The following MTUS2 variants were observed in gnomAD, a reference collection of about 807,000 sequenced individuals.
MTUS2 encodes the protein microtubule-associated tumor suppressor candidate 2.
A neutral mutation model predicts 114.1 loss-of-function variants in MTUS2; 40 were observed. The observed-to-expected ratio is 0.35, with a 90% confidence interval of 0.27 to 0.46. MTUS2 has a LOEUF of 0.46. Ranked by LOEUF, MTUS2 falls within the 20% of genes least tolerant of loss-of-function variation. MTUS2 has a pLI of 1.00. For synonymous variants in MTUS2, 688 were observed against 672.0 expected (o/e 1.02, Z -0.37); for missense variants, 1,679 against 1,705.4 (o/e 0.98, Z 0.27).
intron 2 of MTUS2, among the ~76,000 whole-genome samples, chr13:28,891,074 C>A (rs1046382927): frequency 7.2e-5 from 11 of 152,224 alleles, no homozygotes; most frequent in African/African-American, 2.7e-4. Flanking sequence ...CCCCTGCCTG[C>A]CTTGCTTGTA....
At chr13:28,858,409 A>G (rs1876767764) in intron 2 of MTUS2, among the ~76,000 whole-genome samples, 1 of 152,156 alleles carries the variant, frequency 6.6e-6, no homozygotes, top group Non-Finnish European at 1.5e-5. Context: ...GTTCTTTCAT[A>G]TAGTTATTTA....
Position 29,360,180 on chromosome 13 carries a change from G to A in MTUS2, c.3117+707G>A, listed in dbSNP as rs184417002. The stretch of plus-strand genomic sequence containing the variant: ...ACCTTGAAGTCACCAAGGTGTGCTT[G>A]GGGGAGAAAAAGCATAAACATAAGT... On this transcript the variant is annotated intron_variant, in intron 8 of 15. Transcript: ENST00000612955. Among the ~76,000 whole-genome samples the A allele has an allele frequency of 3.9e-3, 601 of 152,288 alleles. 1 individual carries two copies. The highest frequency in any genetic ancestry group is 6.6e-3 in the Non-Finnish European group (450 of 68,022).
At chr13:29,189,512 T>G (rs1894361191) in intron 5 of MTUS2, among the ~76,000 whole-genome samples, 2 of 151,962 alleles carry the variant, frequency 1.3e-5, no homozygotes, top group Admixed American at 6.6e-5. Flanking sequence ...AAAACTAATG[T>G]TCTCTAGCTC....
chr13:29,490,972 T>C (rs1201341638), intron 11 of MTUS2, among the ~76,000 whole-genome samples: 2 of 125,308 alleles, frequency 1.6e-5, no homozygotes, highest in Admixed American at 8.6e-5. Flanking sequence ...TATAGCTGAA[T>C]GTAGAAGTGT....
chr13:28,970,267 A>C (rs1883792121), intron 2 of MTUS2, among the ~76,000 whole-genome samples: 1 of 152,244 alleles, frequency 6.6e-6, no homozygotes, highest in African/African-American at 2.4e-5. Context: ...AGATCTTTAT[A>C]TGTACAAATG....
At chr13:29,418,088 C>T (rs1045397233) in intron 8 of MTUS2, among the ~76,000 whole-genome samples, 14 of 152,060 alleles carry the variant, frequency 9.2e-5, no homozygotes, top group African/African-American at 3.4e-4. Flanking sequence ...CTCCGTAAGC[C>T]CCTGCTCTAA....
At chr13:29,477,493 C>T (rs1880791676) in intron 9 of MTUS2, among the ~76,000 whole-genome samples, 1 of 152,130 alleles carries the variant, frequency 6.6e-6, no homozygotes, top group Non-Finnish European at 1.5e-5. Context: ...GCCACCACAC[C>T]TGAGCCACAT....
intron 5 of MTUS2, among the ~76,000 whole-genome samples, chr13:29,115,827 G>T (rs1020530181): frequency 1.3e-5 from 2 of 152,150 alleles, no homozygotes; most frequent in African/African-American, 2.4e-5. Context: ...ATCAGTAAAA[G>T]GAAGCATTTG....
chr13:29,300,962 C>T (rs1001883356), intron 6 of MTUS2, among the ~76,000 whole-genome samples: 1 of 152,226 alleles, frequency 6.6e-6, no homozygotes, highest in African/African-American at 2.4e-5. Context: ...GAAACAAATG[C>T]CAGTCATCAA....
intron 2 of MTUS2, among the ~76,000 whole-genome samples, chr13:28,954,524 T>C (rs1270410046): frequency 1.3e-5 from 2 of 152,182 alleles, no homozygotes; most frequent in Non-Finnish European, 2.9e-5. Flanking sequence ...GTGTGTTCCT[T>C]TATTCAGGAA....
chr13:28,913,899 T>C (rs1317501868), intron 2 of MTUS2, among the ~76,000 whole-genome samples: 2 of 152,186 alleles, frequency 1.3e-5, no homozygotes, highest in Non-Finnish European at 2.9e-5. Flanking sequence ...CTAGTTTATG[T>C]GCATAGAGGT....
chr13:29,128,851 A>G (rs1451189283), intron 5 of MTUS2, among the ~76,000 whole-genome samples: 2 of 152,262 alleles, frequency 1.3e-5, no homozygotes, highest in South Asian at 2.1e-4. Flanking sequence ...TGGGTGTTTC[A>G]TATATATAAA....
At chr13:29,491,145 T>C (rs1281356301) in intron 11 of MTUS2, among the ~76,000 whole-genome samples, 2 of 143,102 alleles carry the variant, frequency 1.4e-5, no homozygotes, top group African/African-American at 5.0e-5. Flanking sequence ...TGTGTATATG[T>C]GTGGTGTGTT....
chr13:28,820,060 G>A (rs1252029287), upstream of MTUS2, among the ~76,000 whole-genome samples: 1 of 147,020 alleles, frequency 6.8e-6, no homozygotes, highest in Non-Finnish European at 1.5e-5. Context: ...TGTCACCGCG[G>A]ACGGCACCTC....
chr13:29,313,754 C>T (rs1899871865), intron 6 of MTUS2, among the ~76,000 whole-genome samples: 1 of 152,104 alleles, frequency 6.6e-6, no homozygotes, highest in Admixed American at 6.5e-5. Context: ...GAGCAAGACA[C>T]ATCAGCATGA....
At chr13:29,404,799 G>T (rs548307518) in intron 8 of MTUS2, among the ~76,000 whole-genome samples, 2 of 152,286 alleles carry the variant, frequency 1.3e-5, no homozygotes, top group South Asian at 4.1e-4. Flanking sequence ...CAGAAGTGTT[G>T]TTTAGTTGCC....
At chr13:29,208,157 G>C (rs988081839) in intron 5 of MTUS2, among the ~76,000 whole-genome samples, 2 of 151,958 alleles carry the variant, frequency 1.3e-5, no homozygotes, top group Admixed American at 1.3e-4. Context: ...GTTTAATCTA[G>C]GAAGGTTTTA....
chr13:28,834,587 AAAAG>A (rs1874936919), intron 1 of MTUS2, among the ~76,000 whole-genome samples: 1 of 152,158 alleles, frequency 6.6e-6, no homozygotes, highest in South Asian at 2.1e-4. Flanking sequence ...TCTCAGGAAA[AAAAG>A]TAAGAGTAAA....
intron 7 of MTUS2, 58 bp from the exon 8 acceptor site, chr13:29,359,204 C>G: frequency 6.9e-7 from 1 of 1,444,146 alleles, no homozygotes; most frequent in Admixed American, 2.4e-5. Flanking sequence ...AAGCCGTTGT[C>G]ACATGTGTAC....
Sources: allele counts gnomAD v4.1 joint callset (sites outside exome capture counted in the v4.1 genomes callset), GRCh38; gene constraint gnomAD v4.1.1; transcripts MANE v1.5; gene names NCBI Gene and HGNC (gene_info 2026-07-23, HGNC 2026-07-21).